Variants in R3HDM1 observed in about 807,000 individuals in gnomAD.
The protein encoded by R3HDM1 is R3H domain containing 1.
A neutral mutation model predicts 141.1 loss-of-function variants in R3HDM1; 46 were observed. That is an observed-to-expected ratio of 0.33 (90% CI 0.26 to 0.42). The LOEUF is 0.42. Ranked by LOEUF, R3HDM1 falls within the 10% of genes least tolerant of loss-of-function variation. The pLI, the probability that R3HDM1 is intolerant of heterozygous loss-of-function variation, is 1.00. For synonymous variants in R3HDM1, 435 were observed against 472.9 expected, an observed-to-expected ratio of 0.92 and a Z score of 1.04; for missense variants, 1,184 against 1,368.3, an observed-to-expected ratio of 0.87 and a Z score of 2.12.
chr2:135,661,849 A>G (rs1347207963), intron 19 of R3HDM1, among the ~76,000 whole-genome samples: 1 of 152,230 alleles, frequency 6.6e-6, no homozygotes, highest in African/African-American at 2.4e-5. Flanking sequence ...CCTTTAAAAG[A>G]AATGATGTAC....
intron 1 of R3HDM1, among the ~76,000 whole-genome samples, chr2:135,561,111 T>C (rs1327826370): frequency 6.6e-6 from 1 of 152,162 alleles, no homozygotes; most frequent in African/African-American, 2.4e-5. Context: ...ATTACTTGAC[T>C]TACTAGATCA....
intron 19 of R3HDM1, among the ~76,000 whole-genome samples, chr2:135,665,753 G>A (rs993201406): frequency 1.3e-5 from 2 of 152,074 alleles, no homozygotes; most frequent in African/African-American, 4.8e-5. Flanking sequence ...AATGTTTTAA[G>A]CATACCAAAC....
At chr2:135,589,713 T>C (rs1402656396) in intron 1 of R3HDM1, among the ~76,000 whole-genome samples, 1 of 152,094 alleles carries the variant, frequency 6.6e-6, no homozygotes, top group Non-Finnish European at 1.5e-5. Flanking sequence ...TTCCACAGTT[T>C]TAGTTCTCCA....
At chr2:135,533,903 A>G (rs536863258) in intron 1 of R3HDM1, 191 of 739,658 alleles carry the variant, frequency 2.6e-4, no homozygotes, top group Non-Finnish European at 2.9e-4. Flanking sequence ...AATTAGAGGT[A>G]AAGTATGTAA....
chr2:135,575,991 A>G (rs956020582), intron 1 of R3HDM1, among the ~76,000 whole-genome samples: 1 of 152,238 alleles, frequency 6.6e-6, no homozygotes, highest in East Asian at 1.9e-4. Context: ...ATTAAAACAT[A>G]TACTATAAAG....
intron 14 of R3HDM1, 117 bp from the exon 15 acceptor site, chr2:135,641,419 C>G (rs2063782120): frequency 8.4e-7 from 1 of 1,184,780 alleles, no homozygotes; most frequent in African/African-American, 1.5e-5. Context: ...TAAAAAGAGC[C>G]AATGCTTTTA....
At chr2:135,678,785 G>A (rs1321685605) in intron 20 of R3HDM1, among the ~76,000 whole-genome samples, 5 of 119,878 alleles carry the variant, frequency 4.2e-5, no homozygotes, top group Non-Finnish European at 6.6e-5. Context: ...TTTGGAGACA[G>A]AGTCTCACTC....
intron 15 of R3HDM1, among the ~76,000 whole-genome samples, chr2:135,642,676 C>G (rs1002996322): frequency 1.3e-5 from 2 of 152,118 alleles, no homozygotes; most frequent in African/African-American, 2.4e-5. Context: ...GTGGTCTCAT[C>G]ATAATGGCAG....
intron 3 of R3HDM1, among the ~76,000 whole-genome samples, chr2:135,613,872 A>G (rs1445079796): frequency 6.6e-6 from 1 of 152,218 alleles, no homozygotes; most frequent in Non-Finnish European, 1.5e-5. Flanking sequence ...GTTTGATTAA[A>G]TAACCAGTGG....
intron 19 of R3HDM1, among the ~76,000 whole-genome samples, chr2:135,670,885 C>G (rs1293606149): frequency 1.3e-5 from 2 of 151,742 alleles, no homozygotes; most frequent in South Asian, 2.1e-4. Flanking sequence ...ATGGCGAAAC[C>G]CTGAATCTAC....
At chr2:135,684,122 A>T (rs13385406) in intron 21 of R3HDM1, among the ~76,000 whole-genome samples, 1 of 151,716 alleles carries the variant, frequency 6.6e-6, no homozygotes, top group African/African-American at 2.4e-5. Flanking sequence ...ACAGAGTCTC[A>T]CTCTGTCGCC....
chr2:135,649,287 A>C (rs969965293), intron 16 of R3HDM1: 4 of 151,842 alleles, frequency 2.6e-5, no homozygotes, highest in African/African-American at 9.7e-5. Flanking sequence ...GGATGGTCTC[A>C]ATCTCCTGAC....
chr2:135,719,761 A>C (rs1334171540), intron 24 of R3HDM1, among the ~76,000 whole-genome samples: 1 of 152,094 alleles, frequency 6.6e-6, no homozygotes, highest in Non-Finnish European at 1.5e-5. Context: ...TATTCTGTTA[A>C]TGCTAAGTTT....
chr2:135,650,658 A>ACC (rs1295892962), intron 17 of R3HDM1: 2 of 983,974 alleles, frequency 2.0e-6, no homozygotes, highest in East Asian at 2.3e-4. Flanking sequence ...TCCTTTTGAC[A>ACC]CCATTCACTG....
chr2:135,642,986 T>C (rs2063963971), intron 15 of R3HDM1, among the ~76,000 whole-genome samples: 1 of 152,188 alleles, frequency 6.6e-6, no homozygotes, highest in South Asian at 2.1e-4. Flanking sequence ...AATATTTTAC[T>C]TTTTCCTATT....
At chr2:135,563,709 A>G (rs1210492449) in intron 1 of R3HDM1, among the ~76,000 whole-genome samples, 1 of 152,226 alleles carries the variant, frequency 6.6e-6, no homozygotes, top group African/African-American at 2.4e-5. Context: ...TAAGCTAGCT[A>G]TACAACACCA....
intron 1 of R3HDM1, among the ~76,000 whole-genome samples, chr2:135,543,923 C>T (rs1698146642): frequency 6.6e-6 from 1 of 152,218 alleles, no homozygotes; most frequent in Non-Finnish European, 1.5e-5. Context: ...TAGAGAACCA[C>T]ATGTTGAATG....
intron 21 of R3HDM1, among the ~76,000 whole-genome samples, chr2:135,699,028 TAGATAGATA>T (rs770748208): frequency 8.4e-6 from 1 of 118,416 alleles, no homozygotes; most frequent in African/African-American, 3.0e-5. Context: ...GATAGATAGA[TAGATAGATA>T]GATAGATAAG....
intron 16 of R3HDM1, among the ~76,000 whole-genome samples, chr2:135,649,566 T>G (rs1459745049): frequency 1.3e-5 from 2 of 152,174 alleles, no homozygotes; most frequent in Non-Finnish European, 2.9e-5. Context: ...GTAGTTTTGC[T>G]TTTACTGACT....
Sources: gnomAD v4.1 joint callset for allele counts (sites outside exome capture counted in the v4.1 genomes callset) on GRCh38, gnomAD v4.1.1 for gene constraint, MANE v1.5 for transcripts, NCBI Gene and HGNC (gene_info 2026-07-23, HGNC 2026-07-21) for gene names.